The following ANO4 variants were observed in gnomAD, a reference collection of about 807,000 sequenced individuals.
ANO4 encodes anoctamin 4.
ANO4 carries 69 observed loss-of-function variants against 141.9 expected under a neutral mutation model. The observed-to-expected ratio is 0.49, with a 90% confidence interval of 0.40 to 0.59. The LOEUF is 0.59. ANO4 is among the 20% of genes least tolerant of loss of function. ANO4 has a pLI of 0.00. For missense variants in ANO4, 894 were observed against 1,162.2 expected (o/e 0.77, Z 3.36); for synonymous variants, 350 against 394.3 (o/e 0.89, Z 1.33).
chr12:100,896,783 C>T (rs914231800), intron 1 of ANO4, among the ~76,000 whole-genome samples: 3 of 152,228 alleles, frequency 2.0e-5, no homozygotes, highest in Admixed American at 6.5e-5. Flanking sequence ...ATGGTATAAA[C>T]GCTAGAGCCT....
Position 100,896,405 on chromosome 12 carries a change from C to T in ANO4, c.-140-5241C>T, listed in dbSNP as rs759057709. 4.0e-5 allele frequency among the ~76,000 whole-genome samples: 6 copies of T among 151,646 alleles called. No homozygotes were observed. In the East Asian group the frequency reaches 1.2e-3, roughly 29 times the overall value. ...AGGAACACCAAGGAATGCTGGCGCC[C>T]GTGAGAAGCTGAAGGAGGCAAGGAA... is the stretch of plus-strand genomic sequence containing the variant. On this transcript the variant is annotated intron_variant, in intron 1 of 27. Transcript: ENST00000392977.
chr12:100,784,534 A>C (rs1593324614), intron 3 of ANO4, among the ~76,000 whole-genome samples: 1 of 152,180 alleles, frequency 6.6e-6, no homozygotes, highest in Admixed American at 6.5e-5. Context: ...TTACAGATGT[A>C]GTTAAATCTT....
chr12:100,886,553 T>G (rs1428914209), intron 1 of ANO4, among the ~76,000 whole-genome samples: 3 of 152,102 alleles, frequency 2.0e-5, no homozygotes, highest in Non-Finnish European at 4.4e-5. Context: ...CAATGAGGCT[T>G]AGTGACAATA....
At chr12:100,813,504 T>C (rs2135712246) in intron 1 of ANO4, among the ~76,000 whole-genome samples, 1 of 152,276 alleles carries the variant, frequency 6.6e-6, no homozygotes, top group South Asian at 2.1e-4. Context: ...GATCTTACTA[T>C]AGTGCATTGT....
intron 7 of ANO4, among the ~76,000 whole-genome samples, chr12:100,986,944 C>T (rs1170132504): frequency 1.3e-5 from 2 of 152,162 alleles, no homozygotes; most frequent in African/African-American, 4.8e-5. Flanking sequence ...TCACGATGCC[C>T]TAGCACCATG....
chr12:100,756,485 G>A (rs1328497531), intron 3 of ANO4, among the ~76,000 whole-genome samples: 1 of 152,136 alleles, frequency 6.6e-6, no homozygotes, highest in Non-Finnish European at 1.5e-5. Flanking sequence ...GAGTAGCTGA[G>A]ACTACAGGTG....
rs944337203 is a variant in ANO4, at chr12:100,879,051, G to T, written c.-140-22595G>T. 2.0e-5 allele frequency among the ~76,000 whole-genome samples: 3 copies of T among 152,118 alleles called. No homozygotes were observed. The South Asian group carries it at 6.2e-4, about 32-fold the overall frequency. ...GTTTGTCTTTTATCTCTATATTGGGGTACCTAATACAGGAAAGAGTGTTAA... is the reference window on the plus strand; with the variant it reads ...GTTTGTCTTTTATCTCTATATTGGGTTACCTAATACAGGAAAGAGTGTTAA... On this transcript the variant is annotated intron_variant, in intron 1 of 27. Transcript: ENST00000392977.
intron 5 of ANO4, among the ~76,000 whole-genome samples, chr12:100,968,811 A>G (rs1398252751): frequency 1.3e-5 from 2 of 152,206 alleles, no homozygotes; most frequent in Non-Finnish European, 2.9e-5. Context: ...CATTGCGTCC[A>G]CAGGCATGAA....
intron 1 of ANO4, among the ~76,000 whole-genome samples, chr12:100,832,703 T>A (rs1195723522): frequency 2.0e-5 from 3 of 152,158 alleles, no homozygotes; most frequent in Non-Finnish European, 4.4e-5. Flanking sequence ...TGATTTCAGC[T>A]GGCCACCTGC....
At chr12:100,935,059 A>G (rs1054400851) in intron 3 of ANO4, among the ~76,000 whole-genome samples, 3 of 152,250 alleles carry the variant, frequency 2.0e-5, no homozygotes, top group African/African-American at 7.2e-5. Flanking sequence ...TGACTTCCTC[A>G]TTTCCTAATT....
At chr12:100,854,575 A>G (rs1323233924) in intron 1 of ANO4, among the ~76,000 whole-genome samples, 2 of 152,212 alleles carry the variant, frequency 1.3e-5, no homozygotes, top group South Asian at 2.1e-4. Context: ...TGCATTCTGC[A>G]TGATTTTCCC....
At chr12:100,948,313 A>T (rs1047968223) in intron 5 of ANO4, among the ~76,000 whole-genome samples, 25 of 152,126 alleles carry the variant, frequency 1.6e-4, no homozygotes, top group African/African-American at 5.6e-4. Flanking sequence ...CATAGACTTG[A>T]ATCTTGGTAC....
intron 14 of ANO4, among the ~76,000 whole-genome samples, chr12:101,060,167 A>G (rs1314999623): frequency 6.6e-6 from 1 of 152,210 alleles, no homozygotes; most frequent in Non-Finnish European, 1.5e-5. Flanking sequence ...CAGGTTGTTC[A>G]GTTTCCATGT....
chr12:100,835,375 A>G, intron 1 of ANO4, among the ~76,000 whole-genome samples: 2 of 152,234 alleles, frequency 1.3e-5, no homozygotes, highest in South Asian at 4.1e-4. Context: ...CAGACAGAGG[A>G]GGCTTAGGGA....
At chr12:100,855,366 C>A (rs1373023280) in intron 1 of ANO4, among the ~76,000 whole-genome samples, 1 of 152,108 alleles carries the variant, frequency 6.6e-6, no homozygotes, top group Non-Finnish European at 1.5e-5. Flanking sequence ...TCCCCATAAT[C>A]CCATATTGAG....
intron 14 of ANO4, chr12:101,066,864 A>C: frequency 1.6e-6 from 2 of 1,228,020 alleles, no homozygotes; most frequent in Non-Finnish European, 2.4e-6. Context: ...GAGAGAGATA[A>C]GGTCAAATTT....
At chr12:100,984,024 G>C (rs2044599666) in intron 7 of ANO4, among the ~76,000 whole-genome samples, 1 of 152,094 alleles carries the variant, frequency 6.6e-6, no homozygotes, top group East Asian at 1.9e-4. Context: ...TTGTCCACCT[G>C]CTTCTGCTCA....
chr12:100,945,266 A>G (rs1041598345), intron 5 of ANO4, among the ~76,000 whole-genome samples: 66 of 152,346 alleles, frequency 4.3e-4, no homozygotes, highest in African/African-American at 1.6e-3. Context: ...AAGAAACACA[A>G]CTAGGATAAT....
chr12:100,765,882 A>G (rs565425812), intron 3 of ANO4, among the ~76,000 whole-genome samples: 33 of 151,628 alleles, frequency 2.2e-4, no homozygotes, highest in Non-Finnish European at 4.9e-4. Flanking sequence ...TTTTGTGGTC[A>G]GAACATTTCA....
Sources: gnomAD v4.1 joint callset for allele counts (sites outside exome capture counted in the v4.1 genomes callset) on GRCh38, gnomAD v4.1.1 for gene constraint, MANE v1.5 for transcripts, NCBI Gene and HGNC (gene_info 2026-07-23, HGNC 2026-07-21) for gene names.